The following RORA variants were observed in gnomAD, a reference collection of about 807,000 sequenced individuals.
The protein encoded by RORA is RAR related orphan receptor A.
Under a neutral mutation model 69.5 loss-of-function variants are expected in RORA, and 7 were observed. The observed-to-expected ratio is 0.10, with a 90% confidence interval of 0.06 to 0.19. The LOEUF (loss-of-function observed/expected upper bound fraction) is 0.19. Ranked by LOEUF, RORA falls within the 10% of genes least tolerant of loss-of-function variation. The probability of loss-of-function intolerance (pLI) is 1.00; values close to 1 mark genes in which losing one functional copy is unlikely to be tolerated. For missense variants in RORA, 457 were observed against 663.0 expected (o/e 0.69, Z 3.41); for synonymous variants, 261 against 240.8 (o/e 1.08, Z -0.78).
At chr15:60,549,438 A>G (rs891222789) in intron 2 of RORA, among the ~76,000 whole-genome samples, 4 of 152,218 alleles carry the variant, frequency 2.6e-5, no homozygotes, top group African/African-American at 4.8e-5. Context: ...AGTATTTGCT[A>G]TGTTTTTTAG....
intron 1 of RORA, among the ~76,000 whole-genome samples, chr15:60,804,638 G>A (rs2072634628): frequency 3.3e-5 from 5 of 152,150 alleles, no homozygotes; most frequent in African/African-American, 4.8e-5. Context: ...TAAGATCAAC[G>A]GTAGCCAAGA....
intron 1 of RORA, among the ~76,000 whole-genome samples, chr15:60,815,002 T>A (rs974790898): frequency 6.6e-6 from 1 of 152,268 alleles, no homozygotes; most frequent in East Asian, 1.9e-4. Context: ...GTAGGACACA[T>A]GAGGCGAAAG....
chr15:60,625,879 C>G (rs1268425027), intron 2 of RORA, among the ~76,000 whole-genome samples: 1 of 152,192 alleles, frequency 6.6e-6, no homozygotes, highest in East Asian at 1.9e-4. Context: ...TATCATGTAC[C>G]TATGTGTCCT....
At chr15:60,896,781 G>T (rs1456809266) in intron 1 of RORA, among the ~76,000 whole-genome samples, 1 of 147,618 alleles carries the variant, frequency 6.8e-6, no homozygotes, top group Admixed American at 6.8e-5. Context: ...TTTAGGGTTG[G>T]AATGACACAG....
At chr15:60,804,188 G>A (rs914847221) in intron 1 of RORA, among the ~76,000 whole-genome samples, 6 of 150,878 alleles carry the variant, frequency 4.0e-5, no homozygotes, top group East Asian at 1.9e-4. Context: ...CTTGGGAGGC[G>A]GAGGCAGGAG....
At chr15:60,815,943 T>C (rs1319941067) in intron 1 of RORA, among the ~76,000 whole-genome samples, 1 of 147,210 alleles carries the variant, frequency 6.8e-6, no homozygotes, top group Non-Finnish European at 1.5e-5. Flanking sequence ...ATAAATAGTG[T>C]ATATATACTA....
Position 60,534,758 on chromosome 15 carries a change from C to T in RORA, c.197-2907G>A, listed in dbSNP as rs2066628174. Among the ~76,000 whole-genome samples the T allele has an allele frequency of 2.0e-5, 3 of 152,116 alleles. No individual in the cohort carries two copies. Among genetic ancestry groups the T allele is most frequent in the African/African-American group, 7.2e-5 (3 of 41,418 alleles). On this transcript the variant is annotated intron_variant, in intron 2 of 10. Coordinates refer to ENST00000335670, the MANE Select transcript of RORA (RefSeq NM_134261.3). This position sits in a 1 kb window ranked among gnomAD's most constrained non-coding sequence, Gnocchi z 5.0. ...AATCCTCCTACTCCAAAAGCAAACCCTCTGAATGTGATCTGATCACACGTG... is the reference window on the plus strand; with the variant it reads ...AATCCTCCTACTCCAAAAGCAAACCTTCTGAATGTGATCTGATCACACGTG...
At chr15:60,829,052 C>G (rs988860323) in intron 1 of RORA, among the ~76,000 whole-genome samples, 5 of 152,100 alleles carry the variant, frequency 3.3e-5, no homozygotes, top group Non-Finnish European at 5.9e-5. Context: ...GGGAGTGATG[C>G]CTTGGAGCCA....
rs1329840637 is a variant in RORA at position 60,490,350 on chromosome 15, TTATA to T, written c.*7101_*7104del. ...TCTAAACAGCTATGTCTAAAATAGA[TTATA>T]TAGTAAAACCGGTATTATACAGCAT... On this transcript the variant is annotated 3_prime_UTR_variant, in exon 11 of 11. Transcript: ENST00000335670. This position sits in a 1 kb window ranked among gnomAD's most constrained non-coding sequence, Gnocchi z 4.1. The T allele has an allele frequency of 6.6e-6, 1 of 152,086 alleles. No individual in the cohort carries two copies. The highest frequency in any genetic ancestry group is 1.5e-5 in the Non-Finnish European group (1 of 68,000). 9.4% of individuals were successfully genotyped at this position (152,086 alleles called of 1,614,324 possible). A position where few individuals can be genotyped will look rare whatever the true frequency, so the allele number is the denominator to read the frequency against.
chr15:60,502,874 A>C lies in RORA; in HGVS notation c.1076-7T>G. 6.3e-7 allele frequency: 1 copy of C among 1,595,442 alleles called. No homozygotes were observed. Among genetic ancestry groups the C allele is most frequent in the Non-Finnish European group, 8.6e-7 (1 of 1,162,948 alleles). On this transcript the variant is annotated splice_polypyrimidine_tract_variant and splice_region_variant and intron_variant, in intron 7 of 10. Transcript: ENST00000335670. The stretch of plus-strand genomic sequence containing the variant: ...AACACCACCTCTAGAGAACCTAAGC[A>C]GAGGCAGAAATGGTTTGGGTCATTT...
chr15:60,888,735 G>A (rs905615292), intron 1 of RORA, among the ~76,000 whole-genome samples: 4 of 152,104 alleles, frequency 2.6e-5, no homozygotes, highest in South Asian at 4.1e-4. Context: ...GACATCAGGC[G>A]GGTGCTTGTC....
intron 1 of RORA, among the ~76,000 whole-genome samples, chr15:61,153,507 C>A (rs967077043): frequency 1.3e-5 from 2 of 152,180 alleles, no homozygotes; most frequent in Non-Finnish European, 2.9e-5. Flanking sequence ...GCTGCTAACC[C>A]ACTCATAGTG....
At chr15:61,218,636 T>C (rs1432835274) in intron 1 of RORA, among the ~76,000 whole-genome samples, 1 of 151,678 alleles carries the variant, frequency 6.6e-6, no homozygotes, top group Non-Finnish European at 1.5e-5. Flanking sequence ...TTTCATCATT[T>C]TGGTATTCGT....
intron 1 of RORA, among the ~76,000 whole-genome samples, chr15:60,965,240 T>A (rs1465019118): frequency 6.6e-6 from 1 of 152,180 alleles, no homozygotes; most frequent in Non-Finnish European, 1.5e-5. Context: ...TTTTGACATC[T>A]TGGAGCTCAT....
chr15:60,740,459 G>A (rs530455853), intron 1 of RORA, among the ~76,000 whole-genome samples: 2 of 152,300 alleles, frequency 1.3e-5, no homozygotes, highest in African/African-American at 2.4e-5. Flanking sequence ...TGGAGCCTAC[G>A]ACATTAAAGG....
intron 1 of RORA, among the ~76,000 whole-genome samples, chr15:61,031,609 A>T (rs1266117500): frequency 6.6e-6 from 1 of 152,172 alleles, no homozygotes; most frequent in African/African-American, 2.4e-5. Context: ...AACTATATCT[A>T]CTGACTTTTA....
intron 1 of RORA, among the ~76,000 whole-genome samples, chr15:61,125,175 A>C (rs775738512): frequency 6.6e-6 from 1 of 152,238 alleles, no homozygotes; most frequent in African/African-American, 2.4e-5. Context: ...TATTAACACT[A>C]GTATTCATAC....
intron 1 of RORA, among the ~76,000 whole-genome samples, chr15:60,692,371 C>T (rs2070840506): frequency 6.6e-6 from 1 of 152,136 alleles, no homozygotes; most frequent in African/African-American, 2.4e-5. Context: ...TTGACTAATA[C>T]TCTTTTGGAC....
chr15:60,865,332 T>C (rs895600357), intron 1 of RORA, among the ~76,000 whole-genome samples: 1 of 152,212 alleles, frequency 6.6e-6, no homozygotes, highest in Non-Finnish European at 1.5e-5. Context: ...GATCTAACAC[T>C]CTATTATTCT....
Sources: gnomAD v4.1 joint callset for allele counts (sites outside exome capture counted in the v4.1 genomes callset) on GRCh38, gnomAD v4.1.1 for gene constraint, Gnocchi (gnomAD v3.1) non-coding constraint, MANE v1.5 for transcripts, NCBI Gene and HGNC (gene_info 2026-07-23, HGNC 2026-07-21) for gene names.